Variants in ABCA4 observed in about 807,000 individuals in gnomAD.
ABCA4 encodes the protein retinal-specific phospholipid-transporting ATPase ABCA4.
A neutral mutation model predicts 263.7 loss-of-function variants in ABCA4; 196 were observed. The ratio of observed to expected loss-of-function variants is 0.74; its 90% CI spans 0.66 to 0.84. The LOEUF (loss-of-function observed/expected upper bound fraction) is 0.84, where lower values mean the gene tolerates loss of function less well. ABCA4 is among the 40% of genes least tolerant of loss of function. ABCA4 has a pLI of 0.00. For missense variants in ABCA4, 2,792 were observed against 2,855.1 expected (o/e 0.98, Z 0.50); for synonymous variants, 1,133 against 1,094.2 (o/e 1.04, Z -0.70).
chr1:94,083,301 A>G, intron 7 of ABCA4, 51 bp downstream of exon 7: 1 of 1,393,670 alleles, frequency 7.2e-7, no homozygotes, highest in Non-Finnish European at 1.0e-6. Context: ...AAGTGGGGTA[A>G]ATGGTGGAAA....
intron 6 of ABCA4, among the ~76,000 whole-genome samples, chr1:94,083,652 A>G (rs922050040): frequency 7.9e-5 from 12 of 152,190 alleles, no homozygotes; most frequent in African/African-American, 1.2e-4. Context: ...TCCTTGCTGC[A>G]CTTGTCAATC....
Position 94,103,036 on chromosome 1 carries a change from G to A in ABCA4, c.549C>T (p.Asn183=). 3 of 1,614,220 alleles carry A rather than the reference G, an allele frequency of 1.9e-6. No homozygotes were observed. The highest frequency in any genetic ancestry group is 2.5e-6 in the Non-Finnish European group (3 of 1,180,044). The part of the protein sequence containing the change: ...LSDSVVYLLI[N]SQVRPEQFAH... ...CTACCTGCTCTGGACGGACTTGAGA[G>A]TTGATCAGAAGGTAGACCACTGAGT... Residue 183 remains asparagine (N), a synonymous_variant, in exon 5 of 50, where the codon AAC becomes AAT. Transcript: ENST00000370225.
At chr1:94,109,525 G>A (rs1316034276) in intron 3 of ABCA4, among the ~76,000 whole-genome samples, 2 of 152,234 alleles carry the variant, frequency 1.3e-5, no homozygotes, top group African/African-American at 4.8e-5. Flanking sequence ...AATTTGGATG[G>A]TGTTCAGAGA....
At chr1:93,997,026 A>T (rs1386816800) in intron 48 of ABCA4, among the ~76,000 whole-genome samples, 1 of 152,208 alleles carries the variant, frequency 6.6e-6, no homozygotes, top group Non-Finnish European at 1.5e-5. Context: ...ATGGGCACAG[A>T]TTTTCACTGA....
At chr1:94,088,166 A>G (rs903946830) in intron 6 of ABCA4, among the ~76,000 whole-genome samples, 6 of 152,168 alleles carry the variant, frequency 3.9e-5, no homozygotes, top group Non-Finnish European at 7.3e-5. Flanking sequence ...TTTTAAGTCT[A>G]GTGGACATTT....
intron 14 of ABCA4, 110 bp downstream of exon 14, chr1:94,060,427 T>G: frequency 9.8e-7 from 1 of 1,017,900 alleles, no homozygotes; most frequent in Non-Finnish European, 1.5e-6. Context: ...GGAAGCTAGA[T>G]GTCACGCTCT....
rs4147866 is a variant in ABCA4 at position 94,000,598 on chromosome 1, T to C, written c.6479+238A>G. On this transcript the variant is annotated intron_variant, in intron 47 of 49. Transcript: ENST00000370225. ...AGGCTCTGCATGCATCCTGATCAGA[T>C]GCCCCATCCAGAGACTTGGGCGAGT... is the stretch of plus-strand genomic sequence containing the variant. Among the ~76,000 whole-genome samples the C allele has an allele frequency of 0.14, 21,402 of 152,084 alleles. 2,856 individuals carry two copies. Among genetic ancestry groups the C allele is most frequent in the African/African-American group, 0.35 (14,584 of 41,466 alleles).
intron 48 of ABCA4, among the ~76,000 whole-genome samples, 169 bp downstream of exon 48, chr1:93,997,692 T>A (rs950128036): frequency 1.3e-5 from 2 of 152,190 alleles, no homozygotes; most frequent in African/African-American, 4.8e-5. Flanking sequence ...GACTAAAAAA[T>A]ATTGTTAGAA....
At chr1:94,063,011 T>G in intron 12 of ABCA4, 101 bp downstream of exon 12, 2 of 1,242,358 alleles carry the variant, frequency 1.6e-6, no homozygotes, top group Non-Finnish European at 2.4e-6. Context: ...TTTAACTTAA[T>G]TTTATTGATT....
At chr1:94,117,880 A>G (rs1662834166) in intron 1 of ABCA4, among the ~76,000 whole-genome samples, 3 of 152,208 alleles carry the variant, frequency 2.0e-5, no homozygotes, top group Admixed American at 2.0e-4. Flanking sequence ...CACACGTCCC[A>G]GTTTTCCAGG....
chr1:93,999,384 C>T (rs1185389876), intron 47 of ABCA4, among the ~76,000 whole-genome samples: 2 of 152,218 alleles, frequency 1.3e-5, no homozygotes, highest in Non-Finnish European at 2.9e-5. Flanking sequence ...GATCCCAAGA[C>T]TGCCCATAAA....
At position 94,078,652 on chromosome 1, in the gene ABCA4, C is replaced by T. The variant is rs201117452; in HGVS notation, c.1294G>A (p.Glu432Lys). 1.1e-4 allele frequency: 167 copies of T among 1,499,752 alleles called. 1 individual carries two copies. The East Asian group carries it at 4.7e-3, about 42-fold the overall frequency. 92.9% of individuals were successfully genotyped at this position (1,499,752 alleles called of 1,614,324 possible). A position where few individuals can be genotyped will look rare whatever the true frequency, so the allele number is the denominator to read the frequency against. ...EHVRKLVKAW[E>K]EVGPQIWYFF... ...TACCAGATCTGGGGCCCTACTTCTTCCCAGGCTTTGACCAACTTCCTAACG... is the reference window on the plus strand; with the variant it reads ...TACCAGATCTGGGGCCCTACTTCTTTCCAGGCTTTGACCAACTTCCTAACG... Residue 432 changes from glutamate (E) to lysine (K), a missense_variant, in exon 10 of 50, where the codon GAA becomes AAA. Coordinates refer to ENST00000370225, the MANE Select transcript of ABCA4 (RefSeq NM_000350.3).
intron 1 of ABCA4, among the ~76,000 whole-genome samples, chr1:94,117,899 T>C (rs1340544951): frequency 6.6e-6 from 1 of 152,232 alleles, no homozygotes; most frequent in African/African-American, 2.4e-5. Flanking sequence ...GGTCCAGTGT[T>C]GGTTTACATT....
intron 11 of ABCA4, among the ~76,000 whole-genome samples, chr1:94,072,470 C>G (rs1661427496): frequency 6.6e-6 from 1 of 152,112 alleles, no homozygotes; most frequent in Admixed American, 6.5e-5. Flanking sequence ...TCATCTGTGC[C>G]AGGCCTAACC....
chr1:94,021,447 C>T (rs1325803741), intron 34 of ABCA4, 38 bp from the exon 35 acceptor site: 2 of 1,613,496 alleles, frequency 1.2e-6, no homozygotes, highest in Admixed American at 1.7e-5. Flanking sequence ...GCTGCACTAA[C>T]AGCTAGTTAA....
chr1:94,030,980 C>A lies in ABCA4; in HGVS notation c.4253+16G>T. 1 of 1,613,820 alleles carries A rather than the reference C, an allele frequency of 6.2e-7. No individual in the cohort carries two copies. Among genetic ancestry groups the A allele is most frequent in the Middle Eastern group, 1.7e-4 (1 of 5,994 alleles). ...CCAAACCCACAGAGGAGAATGGTGA[C>A]CCCGAGTCCGCGCACCTGAAGAAGG... is the stretch of plus-strand genomic sequence containing the variant. On this transcript the variant is annotated intron_variant, in intron 28 of 49. Transcript: ENST00000370225.
chr1:94,009,169 A>T (rs996077638), intron 40 of ABCA4, among the ~76,000 whole-genome samples: 2 of 152,074 alleles, frequency 1.3e-5, no homozygotes, highest in Non-Finnish European at 2.9e-5. Context: ...GAGGAGGGTA[A>T]CAATACCTGT....
rs566511975 is a variant in ABCA4 at position 94,017,630 on chromosome 1, C to T, written c.5197-1776G>A. 3.3e-4 allele frequency among the ~76,000 whole-genome samples: 50 copies of T among 152,234 alleles called. 1 individual carries two copies. The highest frequency in any genetic ancestry group is 2.9e-3 in the Admixed American group (44 of 15,304). On this transcript the variant is annotated intron_variant, in intron 36 of 49. Coordinates refer to ENST00000370225, the MANE Select transcript of ABCA4 (RefSeq NM_000350.3). ...TGAGGATTAGGTGGTGATGACACATCAGTGCTGGTTTCCTCATGTTGACAG... is the reference window on the plus strand; with the variant it reads ...TGAGGATTAGGTGGTGATGACACATTAGTGCTGGTTTCCTCATGTTGACAG...
intron 11 of ABCA4, among the ~76,000 whole-genome samples, chr1:94,063,565 C>A (rs1661187656): frequency 6.6e-6 from 1 of 152,210 alleles, no homozygotes; most frequent in South Asian, 2.1e-4. Flanking sequence ...GTGAGGACCA[C>A]ACTTTCCAGA....
Sources: gnomAD v4.1 joint callset for allele counts (sites outside exome capture counted in the v4.1 genomes callset) on GRCh38, gnomAD v4.1.1 for gene constraint, MANE v1.5 for transcripts, NCBI Gene and HGNC (gene_info 2026-07-23, HGNC 2026-07-21) for gene names.